CNTNAP2: variants seen among roughly 807,000 people sequenced by gnomAD.
CNTNAP2 encodes the protein contactin associated protein 2, also known as contactin-associated protein-like 2.
In CNTNAP2, 98 loss-of-function variants were observed where a neutral mutation model predicts 155.2. That is an observed-to-expected ratio of 0.63 (90% confidence interval 0.54 to 0.75). The LOEUF is 0.75. CNTNAP2 is among the 30% of genes least tolerant of loss of function. The pLI, the probability that CNTNAP2 is intolerant of heterozygous loss-of-function variation, is 0.00. For missense variants in CNTNAP2, 1,727 were observed against 1,688.1 expected (o/e 1.02, Z -0.40); for synonymous variants, 651 against 631.2 (o/e 1.03, Z -0.47).
chr7:148,320,231 G>A (rs144203841), intron 21 of CNTNAP2, among the ~76,000 whole-genome samples: 33 of 152,264 alleles, frequency 2.2e-4, no homozygotes, highest in Non-Finnish European at 3.8e-4. Context: ...GCTATAGTCA[G>A]ATCTTGCAGA....
intron 1 of CNTNAP2, among the ~76,000 whole-genome samples, chr7:146,587,021 G>A (rs1167229962): frequency 7.1e-6 from 1 of 140,898 alleles, no homozygotes; most frequent in African/African-American, 2.9e-5. Flanking sequence ...CACCAAACAT[G>A]AGCATTGTTT....
Position 146,839,056 on chromosome 7 carries a change from T to C in CNTNAP2, c.209-655T>C, listed in dbSNP as rs117252940. Reference sequence around the variant, plus strand: ...CTTACTATTTGCTGAGCAATTCTTATATTTTGCCAAAAGAGATTTAACTTT... The same window carrying C: ...CTTACTATTTGCTGAGCAATTCTTACATTTTGCCAAAAGAGATTTAACTTT... On this transcript the variant is annotated intron_variant, in intron 2 of 23. Coordinates refer to ENST00000361727, the MANE Select transcript of CNTNAP2 (RefSeq NM_014141.6). 5.3e-3 allele frequency among the ~76,000 whole-genome samples: 814 copies of C among 152,268 alleles called. 26 individuals are homozygous for C. In the East Asian group the frequency reaches 0.059, roughly 11 times the overall value.
intron 8 of CNTNAP2, among the ~76,000 whole-genome samples, chr7:147,200,032 G>A (rs188962824): frequency 2.0e-3 from 306 of 152,080 alleles, no homozygotes; most frequent in African/African-American, 7.1e-3. Context: ...GGTTGAGTTG[G>A]CTCTCAGATC....
chr7:146,679,512 C>A (rs571763875), intron 1 of CNTNAP2, among the ~76,000 whole-genome samples: 1 of 151,908 alleles, frequency 6.6e-6, no homozygotes, highest in Non-Finnish European at 1.5e-5. Flanking sequence ...CCCGCCAACA[C>A]GCCCAGCTAA....
At chr7:148,030,855 T>A (rs140673162) in intron 15 of CNTNAP2, among the ~76,000 whole-genome samples, 50 of 152,116 alleles carry the variant, frequency 3.3e-4, no homozygotes, top group African/African-American at 1.2e-3. Flanking sequence ...GGGAGAGCAG[T>A]TTCATCTGAG....
intron 1 of CNTNAP2, among the ~76,000 whole-genome samples, chr7:146,668,427 CCTGTGTGT>C (rs1381539369): frequency 1.1e-4 from 11 of 101,168 alleles, no homozygotes; most frequent in African/African-American, 4.1e-4. Flanking sequence ...CTGTAATTTT[CCTGTGTGT>C]GTGTGTGTGT....
At chr7:147,137,873 G>GTAGATAGATAGATAGA (rs57215903) in intron 8 of CNTNAP2, among the ~76,000 whole-genome samples, 20 of 140,140 alleles carry the variant, frequency 1.4e-4, no homozygotes, top group South Asian at 2.6e-4. Flanking sequence ...AGATAGATAC[G>GTAGATAGATAGATAGA]TAGATAGATA....
intron 22 of CNTNAP2, among the ~76,000 whole-genome samples, chr7:148,397,287 C>T (rs1799491012): frequency 6.6e-6 from 1 of 152,220 alleles, no homozygotes; most frequent in African/African-American, 2.4e-5. Context: ...TTCCCCATCC[C>T]AGAGGATTCC....
At chr7:146,827,290 C>G (rs1323752115) in intron 2 of CNTNAP2, among the ~76,000 whole-genome samples, 1 of 151,922 alleles carries the variant, frequency 6.6e-6, no homozygotes, top group African/African-American at 2.4e-5. Flanking sequence ...TTACTTAGTA[C>G]TTGTTCAGGG....
At chr7:147,814,909 TTAATAATATACCTAGTAA>T (rs2116612227) in intron 13 of CNTNAP2, among the ~76,000 whole-genome samples, 1 of 152,356 alleles carries the variant, frequency 6.6e-6, no homozygotes, top group African/African-American at 2.4e-5. Context: ...AACATTTTTG[TTAATAATATACCTAGTAA>T]TAATAATGTA....
At chr7:146,175,617 A>G (rs1403222048) in intron 1 of CNTNAP2, among the ~76,000 whole-genome samples, 5 of 152,238 alleles carry the variant, frequency 3.3e-5, no homozygotes, top group Admixed American at 6.5e-5. Context: ...ATGATTGTGA[A>G]TGACTGAAAA....
intron 16 of CNTNAP2, among the ~76,000 whole-genome samples, chr7:148,119,197 C>T (rs1461867084): frequency 6.6e-6 from 1 of 152,078 alleles, no homozygotes; most frequent in Non-Finnish European, 1.5e-5. Context: ...TGTCCCTTTA[C>T]AAAACCTCAG....
intron 8 of CNTNAP2, among the ~76,000 whole-genome samples, chr7:147,153,770 G>T (rs935602686): frequency 5.9e-5 from 9 of 152,268 alleles, no homozygotes; most frequent in African/African-American, 2.2e-4. Flanking sequence ...TTTGAGCATA[G>T]AAGTGACATA....
intron 1 of CNTNAP2, among the ~76,000 whole-genome samples, chr7:146,592,934 C>T (rs1798804942): frequency 2.0e-5 from 3 of 151,936 alleles, no homozygotes; most frequent in Admixed American, 6.6e-5. Context: ...TCCTTAGCAA[C>T]CTCCAGGTTA....
intron 20 of CNTNAP2, 103 bp from the exon 21 acceptor site, chr7:148,266,930 G>A: frequency 9.3e-7 from 1 of 1,076,222 alleles, no homozygotes; most frequent in South Asian, 1.3e-5. Context: ...TAAGATATCA[G>A]AAAACCAGGG....
chr7:147,528,071 A>T (rs1323790676), intron 11 of CNTNAP2, among the ~76,000 whole-genome samples: 1 of 152,166 alleles, frequency 6.6e-6, no homozygotes, highest in East Asian at 1.9e-4. Flanking sequence ...GTGGACTCTA[A>T]GGATATTGAC....
chr7:147,297,187 T>G (rs1305299979), intron 8 of CNTNAP2, among the ~76,000 whole-genome samples: 1 of 152,206 alleles, frequency 6.6e-6, no homozygotes, highest in Non-Finnish European at 1.5e-5. Flanking sequence ...CTATTTTTAT[T>G]GCTTTTTTAT....
chr7:146,572,720 T>C (rs1479118425), intron 1 of CNTNAP2, among the ~76,000 whole-genome samples: 1 of 152,074 alleles, frequency 6.6e-6, no homozygotes, highest in Non-Finnish European at 1.5e-5. Context: ...AAAAGCAATA[T>C]CATAAAAAAG....
chr7:146,825,304 A>G (rs1803379140), intron 2 of CNTNAP2, among the ~76,000 whole-genome samples: 1 of 152,134 alleles, frequency 6.6e-6, no homozygotes, highest in African/African-American at 2.4e-5. Context: ...TATGTGTGCC[A>G]TTCACCTTCA....
Sources: allele counts gnomAD v4.1 joint callset (sites outside exome capture counted in the v4.1 genomes callset), GRCh38; gene constraint gnomAD v4.1.1; transcripts MANE v1.5; gene names NCBI Gene and HGNC (gene_info 2026-07-23, HGNC 2026-07-21).